The following NTRK3 variants were observed in gnomAD, a reference collection of about 807,000 sequenced individuals.
NTRK3 encodes NT-3 growth factor receptor.
Under a neutral mutation model 91.7 loss-of-function variants are expected in NTRK3, and 24 were observed. The observed-to-expected ratio is 0.26, with a 90% CI of 0.19 to 0.37. The LOEUF (loss-of-function observed/expected upper bound fraction) is 0.37, where lower values mean the gene tolerates loss of function less well. Among genes scored for constraint, NTRK3 ranks in the 10% least tolerant of loss-of-function variants. NTRK3 has a pLI of 1.00. For synonymous variants in NTRK3, 483 were observed against 404.0 expected (o/e 1.20, Z -2.34); for missense variants, 880 against 1,068.9 (o/e 0.82, Z 2.46).
intron 3 of NTRK3, among the ~76,000 whole-genome samples, chr15:88,210,469 C>G (rs948144027): frequency 6.6e-6 from 1 of 152,196 alleles, no homozygotes; most frequent in Non-Finnish European, 1.5e-5. Context: ...AGCAGTTGTT[C>G]CTCTGCAATT....
At chr15:88,174,459 C>G (rs1193774314) in intron 5 of NTRK3, among the ~76,000 whole-genome samples, 1 of 152,216 alleles carries the variant, frequency 6.6e-6, no homozygotes, top group African/African-American at 2.4e-5. Context: ...GGCCTCCACC[C>G]AGACACACCA....
chr15:88,062,839 C>T (rs2142509837), intron 13 of NTRK3, among the ~76,000 whole-genome samples: 1 of 152,358 alleles, frequency 6.6e-6, no homozygotes, highest in South Asian at 2.1e-4. Flanking sequence ...TGAGGGTCAG[C>T]CCTGGGTTTC....
At chr15:88,223,645 C>T (rs2050427698) in intron 3 of NTRK3, among the ~76,000 whole-genome samples, 1 of 152,206 alleles carries the variant, frequency 6.6e-6, no homozygotes. Context: ...GGACAAAGTA[C>T]TCAACCTTTT....
chr15:88,121,751 C>A (rs952748793), intron 13 of NTRK3, among the ~76,000 whole-genome samples: 2 of 152,244 alleles, frequency 1.3e-5, no homozygotes, highest in Non-Finnish European at 2.9e-5. Flanking sequence ...AGCAGGAGGG[C>A]TGGCTGATAG....
intron 5 of NTRK3, among the ~76,000 whole-genome samples, chr15:88,155,897 A>G (rs755348774): frequency 1.7e-4 from 26 of 152,112 alleles, no homozygotes; most frequent in Non-Finnish European, 3.7e-4. Context: ...TTAAATCCAT[A>G]TGTGCTTCAC....
chr15:87,928,144 TA>T (rs1370407879), intron 17 of NTRK3: 1 of 147,162 alleles, frequency 6.8e-6, no homozygotes, highest in East Asian at 2.0e-4. Flanking sequence ...CACACCCAGC[TA>T]ATTTTTGTAT....
intron 14 of NTRK3, among the ~76,000 whole-genome samples, chr15:88,007,478 A>G (rs1033029157): frequency 6.6e-6 from 1 of 152,184 alleles, no homozygotes; most frequent in African/African-American, 2.4e-5. Context: ...ACACTCTGGA[A>G]AGAGTGACTT....
intron 17 of NTRK3, among the ~76,000 whole-genome samples, chr15:87,925,204 T>C (rs2068190926): frequency 6.6e-6 from 1 of 152,218 alleles, no homozygotes; most frequent in African/African-American, 2.4e-5. Flanking sequence ...CAAATCGCTC[T>C]GGTGTTCTGG....
At chr15:88,088,220 A>G (rs2048685935) in intron 13 of NTRK3, among the ~76,000 whole-genome samples, 1 of 152,200 alleles carries the variant, frequency 6.6e-6, no homozygotes, top group Non-Finnish European at 1.5e-5. Flanking sequence ...TATCTACCCC[A>G]AGGAGTTGTT....
chr15:87,956,362 C>T (rs1231515299), intron 14 of NTRK3, among the ~76,000 whole-genome samples: 3 of 152,202 alleles, frequency 2.0e-5, no homozygotes, highest in Non-Finnish European at 4.4e-5. Context: ...GAACCTTTGC[C>T]TCCCAGGTTC....
intron 14 of NTRK3, among the ~76,000 whole-genome samples, chr15:88,002,477 T>G (rs2076181087): frequency 1.3e-5 from 2 of 151,812 alleles, no homozygotes; most frequent in South Asian, 4.1e-4. Flanking sequence ...GGGAAGCCCT[T>G]CCCCAATTAA....
chr15:88,080,623 A>G (rs141758898), intron 13 of NTRK3, among the ~76,000 whole-genome samples: 234 of 152,374 alleles, frequency 1.5e-3, no homozygotes, highest in East Asian at 7.5e-3. Context: ...AGGACCAAAC[A>G]TCACTTACAG....
intron 14 of NTRK3, among the ~76,000 whole-genome samples, chr15:87,965,376 A>G (rs1343943526): frequency 6.6e-6 from 1 of 152,230 alleles, no homozygotes; most frequent in Non-Finnish European, 1.5e-5. Flanking sequence ...TATTCTCACA[A>G]TAGTCCACAG....
At chr15:87,919,623 T>C (rs530481812) in intron 17 of NTRK3, among the ~76,000 whole-genome samples, 14 of 152,324 alleles carry the variant, frequency 9.2e-5, no homozygotes, top group African/African-American at 3.4e-4. Context: ...TAGCAATAAT[T>C]AGATAATCCT....
chr15:88,135,144 G>A, exon 10 of NTRK3: 8 of 1,614,248 alleles, frequency 5.0e-6, no homozygotes, highest in African/African-American at 1.3e-5. Flanking sequence ...TGGTCTGGTT[G>A]GCTGTGCCCA....
chr15:88,127,272 TG>T (rs1220915413), intron 11 of NTRK3, 46 bp from the exon 12 acceptor site: 3 of 1,546,946 alleles, frequency 1.9e-6, no homozygotes, highest in Non-Finnish European at 1.8e-6. Context: ...GCTTCCCGGC[TG>T]GGGAGGCTCA....
rs189602633 is a variant in NTRK3, at chr15:88,146,471, G to C, written c.464+864C>G. Among the ~76,000 whole-genome samples the C allele has an allele frequency of 2.0e-4, 30 of 152,278 alleles. No homozygotes were observed. In the East Asian group the frequency reaches 4.4e-3, roughly 23 times the overall value. Reference sequence around the variant, plus strand: ...CTCTGGAACCCTGACTCCCTAACTTGATCCATGCCTCAATTCCTTTTCAAT... The same window carrying C: ...CTCTGGAACCCTGACTCCCTAACTTCATCCATGCCTCAATTCCTTTTCAAT... On this transcript the variant is annotated intron_variant, in intron 6 of 18. Coordinates refer to ENST00000394480, the Ensembl canonical transcript of NTRK3.
intron 17 of NTRK3, among the ~76,000 whole-genome samples, chr15:87,905,432 G>A (rs115912792): frequency 0.021 from 3,205 of 152,134 alleles, 42 homozygotes; most frequent in Non-Finnish European, 0.032. Flanking sequence ...ACCATATTAT[G>A]CGTAAAACAA....
At chr15:88,039,813 T>C (rs1397339473) in intron 13 of NTRK3, among the ~76,000 whole-genome samples, 1 of 152,258 alleles carries the variant, frequency 6.6e-6, no homozygotes, top group African/African-American at 2.4e-5. Flanking sequence ...ACGTCCACCC[T>C]ACTGCTGTGT....
Sources: gnomAD v4.1 joint callset for allele counts (sites outside exome capture counted in the v4.1 genomes callset) on GRCh38, gnomAD v4.1.1 for gene constraint, MANE v1.5 for transcripts, NCBI Gene and HGNC (gene_info 2026-07-23, HGNC 2026-07-21) for gene names.